The following PCDH19 variants were observed in gnomAD, a reference collection of about 807,000 sequenced individuals.
PCDH19 encodes protocadherin 19.
In PCDH19, 6 loss-of-function variants were observed where a neutral mutation model predicts 46.2. The observed-to-expected ratio is 0.13, with a 90% CI of 0.07 to 0.26. PCDH19 has a LOEUF of 0.26. Ranked by LOEUF, PCDH19 falls within the 10% of genes least tolerant of loss-of-function variation. The probability of loss-of-function intolerance (pLI) is 1.00; values close to 1 mark genes in which losing one functional copy is unlikely to be tolerated. For synonymous variants in PCDH19, 481 were observed against 415.7 expected, an observed-to-expected ratio of 1.16 and a Z score of -1.91; for missense variants, 740 against 972.3, an observed-to-expected ratio of 0.76 and a Z score of 3.18.
rs1926892271 is a variant in PCDH19 at position 100,361,858 on chromosome X, G to A, written c.2617-11154C>T. On this transcript the variant is annotated intron_variant, in intron 3 of 5. Coordinates refer to ENST00000373034, the MANE Select transcript of PCDH19 (RefSeq NM_001184880.2). ...AAAGTAAATAGGACTGGCTGACGAGGTATACTATTTGGGAGAAAAAAAATA... is the reference window on the plus strand; with the variant it reads ...AAAGTAAATAGGACTGGCTGACGAGATATACTATTTGGGAGAAAAAAAATA... Among the ~76,000 whole-genome samples the A allele has an allele frequency of 2.7e-5, 3 of 110,514 alleles. No individual in the cohort carries two copies. The South Asian group carries it at 1.2e-3, about 43-fold the overall frequency.
intron 5 of PCDH19, among the ~76,000 whole-genome samples, chrX:100,333,560 T>TGG (rs1425762720): frequency 8.9e-6 from 1 of 111,844 alleles, no homozygotes; most frequent in African/African-American, 3.2e-5. Flanking sequence ...TTTTTGCTGT[T>TGG]GGGCCATAAA....
chrX:100,333,168 AGGAAGG>A (rs1569294666), intron 5 of PCDH19, among the ~76,000 whole-genome samples: 8 of 33,797 alleles, frequency 2.4e-4, no homozygotes, highest in African/African-American at 5.2e-4. Context: ...GAAGGAAGGA[AGGAAGG>A]GAGAGAGAGA....
intron 5 of PCDH19, among the ~76,000 whole-genome samples, chrX:100,309,320 G>A (rs1166581899): frequency 9.0e-6 from 1 of 111,509 alleles, no homozygotes; most frequent in African/African-American, 3.3e-5. Context: ...CTAATAAGTG[G>A]GAGCTAAGCT....
rs776930627 is a variant in PCDH19 at position 100,407,248 on chromosome X, G to A, written c.1350C>T (p.His450=). The A allele has an allele frequency of 3.3e-6, 4 of 1,212,010 alleles. No individual in the cohort carries two copies. The highest frequency in any genetic ancestry group is 1.7e-5 in the African/African-American group (1 of 57,854). Residue 450 remains histidine, a synonymous_variant, in exon 1 of 6, where the codon CAC becomes CAT. Coordinates refer to ENST00000373034, the MANE Select transcript of PCDH19 (RefSeq NM_001184880.2). ...GGTAGTAGGGCTTGGAAAAGTGCGG[G>A]TGGTTGTCATTTTCGTCAGTGATGA... ...TVLITDENDN[H]PHFSKPYYQV...
At chrX:100,364,278 A>G (rs1349932208) in intron 3 of PCDH19, among the ~76,000 whole-genome samples, 1 of 111,939 alleles carries the variant, frequency 8.9e-6, no homozygotes, top group East Asian at 2.8e-4. Context: ...TTGGAGCCTG[A>G]CTGTGGGCTC....
At chrX:100,300,864 C>A in intron 5 of PCDH19, among the ~76,000 whole-genome samples, 1 of 96,349 alleles carries the variant, frequency 1.0e-5, no homozygotes, top group African/African-American at 3.9e-5. Context: ...ATTTGGTGGT[C>A]ACAATTTGTC....
intron 3 of PCDH19, among the ~76,000 whole-genome samples, chrX:100,371,877 CA>C (rs1569304822): frequency 1.0e-3 from 103 of 101,348 alleles, no homozygotes; most frequent in South Asian, 4.0e-3. Flanking sequence ...CACACACACA[CA>C]CACACCCACA....
intron 5 of PCDH19, among the ~76,000 whole-genome samples, chrX:100,321,573 G>A (rs1266065381): frequency 9.1e-6 from 1 of 110,464 alleles, no homozygotes; most frequent in African/African-American, 3.3e-5. Flanking sequence ...ATCTTCTTTT[G>A]AGAATTATCT....
Position 100,322,865 on chromosome X carries a change from A to ATATATATATATATATATTTTTT in PCDH19, c.2848+19037_2848+19038insAAAAAATATATATATATATATA. Among the ~76,000 whole-genome samples the ATATATATATATATATATTTTTT allele has an allele frequency of 1.3e-4, 7 of 54,413 alleles. 1 individual carries two copies. The highest frequency in any genetic ancestry group is 4.5e-4 in the East Asian group (1 of 2,209). The allele number at this position is 54,413 out of a possible 115,157, so 47.3% of individuals were successfully genotyped here. A position where few individuals can be genotyped will look rare whatever the true frequency, so the allele number is the denominator to read the frequency against. Reference sequence around the variant, plus strand: ...TATATATATATATATATATATATATATTTTTGCAGCTATTGTAAAAGGGGT... The same window carrying ATATATATATATATATATTTTTT: ...TATATATATATATATATATATATATATATATATATATATATATTTTTTTTTTTGCAGCTATTGTAAAAGGGGT... On this transcript the variant is annotated intron_variant, in intron 5 of 5. Transcript: ENST00000373034.
chrX:100,312,773 C>T (rs1925171027), intron 5 of PCDH19, among the ~76,000 whole-genome samples: 2 of 111,420 alleles, frequency 1.8e-5, no homozygotes, highest in South Asian at 7.7e-4. Context: ...GAATGGCTCT[C>T]TATTAAAGAG....
Position 100,296,265 on chromosome X carries a change from C to G in PCDH19, c.*12G>C. On this transcript the variant is annotated 3_prime_UTR_variant, in exon 6 of 6. Transcript: ENST00000373034. ...CCAGTGTGGTTTCTTTCTCTTCTTC[C>G]TGGAGACTGGTTTAGAGAACGATAT... 8.5e-7 allele frequency: 1 copy of G among 1,179,865 alleles called. No homozygotes were observed. The highest frequency in any genetic ancestry group is 1.2e-6 in the Non-Finnish European group (1 of 866,284).
intron 4 of PCDH19, among the ~76,000 whole-genome samples, chrX:100,349,506 T>C (rs1376321148): frequency 1.8e-5 from 2 of 112,178 alleles, no homozygotes; most frequent in Non-Finnish European, 3.8e-5. Flanking sequence ...TAGGGGTTAC[T>C]GAAGCCTCAT....
Position 100,407,142 on chromosome X carries a change from C to G in PCDH19, c.1456G>C (p.Gly486Arg). The G allele has an allele frequency of 8.3e-7, 1 of 1,211,921 alleles. No individual in the cohort carries two copies. Among genetic ancestry groups the G allele is most frequent in the Non-Finnish European group, 1.1e-6 (1 of 895,530 alleles). Residue 486 changes from glycine (G) to arginine (R), a missense_variant, in exon 1 of 6, where the codon GGC becomes CGC. By Grantham distance (125) the Gly-to-Arg change is moderately radical (BLOSUM62 -2). This residue lies in a region of PCDH19 where 186 missense variants were observed against 319.9 expected (regional missense o/e 0.58). Transcript: ENST00000373034. The part of the protein sequence containing the change: ...SARDPDLGLN[G>R]SVSYQIVPSQ... Reference sequence around the variant, plus strand: ...GGCACGATCTGGTAGGAGACACTGCCGTTGAGACCCAGGTCGGGGTCGCGA... The same window carrying G: ...GGCACGATCTGGTAGGAGACACTGCGGTTGAGACCCAGGTCGGGGTCGCGA...
chrX:100,296,534 G>A lies in PCDH19; in HGVS notation c.3190C>T (p.Pro1064Ser). The A allele has an allele frequency of 8.3e-7, 1 of 1,210,971 alleles. No individual in the cohort carries two copies. Among genetic ancestry groups the A allele is most frequent in the Non-Finnish European group, 1.1e-6 (1 of 895,107 alleles). ...TTGAGGTGGAGGGGGGAGGTGACAG[G>A]GCTAATCGCCTCACAGCCATTGCCT... is the stretch of plus-strand genomic sequence containing the variant. ...EAGNGCEAIS[P>S]VTSPLHLKSS... The change falls in exon 6 of 6, where the codon CCT (proline) becomes TCT (serine). Residue 1064 changes from proline (P) to serine (S), a missense_variant. Coordinates refer to ENST00000373034, the MANE Select transcript of PCDH19 (RefSeq NM_001184880.2).
At chrX:100,333,093 AGAAG>A (rs1307446088) in intron 5 of PCDH19, among the ~76,000 whole-genome samples, 5 of 92,828 alleles carry the variant, frequency 5.4e-5, no homozygotes, top group South Asian at 6.5e-4. Flanking sequence ...AAAAAAGGAA[AGAAG>A]GAAGGAAGGA....
At chrX:100,297,585 C>T (rs1455035024) in intron 5 of PCDH19, among the ~76,000 whole-genome samples, 7 of 111,983 alleles carry the variant, frequency 6.3e-5, no homozygotes, top group Non-Finnish European at 9.4e-5. Context: ...GTTAATTAGA[C>T]CCAACTAGCC....
chrX:100,310,922 C>T (rs758991556), intron 5 of PCDH19, among the ~76,000 whole-genome samples: 3 of 109,634 alleles, frequency 2.7e-5, no homozygotes, highest in African/African-American at 9.9e-5. Context: ...GCAATCATAG[C>T]TCATTGCAGC....
At chrX:100,403,772 CT>C (rs1400953849) in intron 1 of PCDH19, 108 bp from the exon 2 acceptor site, 2 of 632,290 alleles carry the variant, frequency 3.2e-6, no homozygotes, top group African/African-American at 4.5e-5. Context: ...TTAATTAACA[CT>C]GACACAGACC....
chrX:100,306,072 C>T (rs1244487309), intron 5 of PCDH19, among the ~76,000 whole-genome samples: 1 of 111,673 alleles, frequency 9.0e-6, no homozygotes, highest in Non-Finnish European at 1.9e-5. Flanking sequence ...ATGGACTTAA[C>T]AGGTATTTAC....
Sources: gnomAD v4.1 joint callset for allele counts (sites outside exome capture counted in the v4.1 genomes callset) on GRCh38, gnomAD v4.1.1 for gene constraint, gnomAD v4.1.1 regional missense constraint, MANE v1.5 for transcripts, NCBI Gene and HGNC (gene_info 2026-07-23, HGNC 2026-07-21) for gene names.